The following DNAJB6 variants were observed in gnomAD, a reference collection of about 807,000 sequenced individuals.
DNAJB6 encodes the protein dnaJ homolog subfamily B member 6.
In DNAJB6, 16 loss-of-function variants were observed where a neutral mutation model predicts 42.7. The observed-to-expected ratio is 0.37, with a 90% CI of 0.25 to 0.57. The LOEUF (loss-of-function observed/expected upper bound fraction) is 0.57, where lower values mean the gene tolerates loss of function less well. Ranked by LOEUF, DNAJB6 falls within the 20% of genes least tolerant of loss-of-function variation. The pLI, the probability that DNAJB6 is intolerant of heterozygous loss-of-function variation, is 0.74. For missense variants in DNAJB6, 347 were observed against 416.8 expected (o/e 0.83, Z 1.46); for synonymous variants, 170 against 163.5 (o/e 1.04, Z -0.30).
At position 157,361,181 on chromosome 7, in the gene DNAJB6, C is replaced by T. The variant is rs148599962; in HGVS notation, c.66-1980C>T. Among the ~76,000 whole-genome samples the T allele has an allele frequency of 5.3e-3, 783 of 146,546 alleles. 11 individuals are homozygous for T. Among genetic ancestry groups the T allele is most frequent in the African/African-American group, 0.018 (720 of 39,696 alleles). ...TACACGTTTTTTTTTTTTTTTGAGACGGTGTCTCGCTATGTCACCCAGGCT... is the reference window on the plus strand; with the variant it reads ...TACACGTTTTTTTTTTTTTTTGAGATGGTGTCTCGCTATGTCACCCAGGCT... On this transcript the variant is annotated intron_variant, in intron 2 of 9. Coordinates refer to ENST00000262177, the MANE Select transcript of DNAJB6 (RefSeq NM_058246.4).
Position 157,416,132 on chromosome 7 carries a change from G to A in DNAJB6, c.*34G>A, listed in dbSNP as rs763062645. 6.2e-6 allele frequency: 10 copies of A among 1,603,178 alleles called. No homozygotes were observed. The highest frequency in any genetic ancestry group is 7.7e-6 in the Non-Finnish European group (9 of 1,174,014). ...TGAGGCACGCGGTGCACCCCCAGACGCTGGCGCTCCACCGTGCTCGGCATG... is the reference window on the plus strand; with the variant it reads ...TGAGGCACGCGGTGCACCCCCAGACACTGGCGCTCCACCGTGCTCGGCATG... On this transcript the variant is annotated 3_prime_UTR_variant, in exon 10 of 10. Transcript: ENST00000262177.
intron 1 of DNAJB6, chr7:157,337,422 C>T (rs1465365192): frequency 5.3e-5 from 8 of 152,242 alleles, no homozygotes; most frequent in Admixed American, 3.3e-4. Flanking sequence ...GCGGCCCAGC[C>T]TCCGCGGCGG....
chr7:157,399,976 T>C (rs1801771720), intron 8 of DNAJB6, among the ~76,000 whole-genome samples: 1 of 152,206 alleles, frequency 6.6e-6, no homozygotes, highest in Admixed American at 6.5e-5. Context: ...GCCTGTATTT[T>C]GTCAGGAGAA....
At chr7:157,353,586 GGTGTGTGTGTGTGTGTGTGTGTGT>G (rs370854040) in intron 1 of DNAJB6, among the ~76,000 whole-genome samples, 1,694 of 140,100 alleles carry the variant, frequency 0.012, 16 homozygotes, top group Non-Finnish European at 0.019. Context: ...TCTTGACCGG[GGTGTGTGTGTGTGTGTGTGTGTGT>G]GTGTGTGTGT....
intron 9 of DNAJB6, 131 bp downstream of exon 9, chr7:157,410,132 G>GC (rs1795923130): frequency 7.1e-7 from 1 of 1,413,776 alleles, no homozygotes; most frequent in African/African-American, 1.5e-5. Context: ...GTCGGGCGGG[G>GC]CGGGAGGAGG....
intron 3 of DNAJB6, among the ~76,000 whole-genome samples, chr7:157,363,851 C>T (rs1280474739): frequency 6.6e-6 from 1 of 152,130 alleles, no homozygotes. Flanking sequence ...CAGAGGTCAG[C>T]TGTCGCCTAG....
rs965557122 is a variant in DNAJB6, at chr7:157,416,159, G to A, written c.*61G>A. 9 of 1,580,502 alleles carry A rather than the reference G, an allele frequency of 5.7e-6. No individual in the cohort carries two copies. Among genetic ancestry groups the A allele is most frequent in the East Asian group, 4.7e-5 (2 of 43,010 alleles). On this transcript the variant is annotated 3_prime_UTR_variant, in exon 10 of 10. Transcript: ENST00000262177. The stretch of plus-strand genomic sequence containing the variant: ...TGGCGCTCCACCGTGCTCGGCATGC[G>A]GTCGTGCACACGCGCTAGGTAGCAG...
At chr7:157,367,298 G>A in intron 4 of DNAJB6, 75 bp from the exon 5 acceptor site, 1 of 983,364 alleles carries the variant, frequency 1.0e-6, no homozygotes, top group Non-Finnish European at 1.6e-6. Context: ...TTTGTATAAT[G>A]TTTTGTCAAC....
At chr7:157,342,669 C>G (rs1798463830) in intron 1 of DNAJB6, among the ~76,000 whole-genome samples, 1 of 152,124 alleles carries the variant, frequency 6.6e-6, no homozygotes, top group Non-Finnish European at 1.5e-5. Flanking sequence ...GTTGGCCAGG[C>G]TGGTCTTGAA....
intron 1 of DNAJB6, among the ~76,000 whole-genome samples, chr7:157,342,781 A>C (rs1029147634): frequency 1.3e-5 from 2 of 152,110 alleles, no homozygotes; most frequent in African/African-American, 2.4e-5. Context: ...AAAGGGAGTT[A>C]AGCTTGGAAG....
chr7:157,349,839 C>T (rs995235575), intron 1 of DNAJB6, among the ~76,000 whole-genome samples: 2 of 152,038 alleles, frequency 1.3e-5, no homozygotes, highest in African/African-American at 4.8e-5. Context: ...GAGACGGTTT[C>T]GTCATGTCAG....
chr7:157,344,579 G>A (rs1798587922), intron 1 of DNAJB6, among the ~76,000 whole-genome samples: 1 of 151,774 alleles, frequency 6.6e-6, no homozygotes, highest in Admixed American at 6.6e-5. Flanking sequence ...TTCCCTTCCA[G>A]CCTGAAATTA....
chr7:157,338,485 C>T (rs1345889278), intron 1 of DNAJB6, among the ~76,000 whole-genome samples: 1 of 152,148 alleles, frequency 6.6e-6, no homozygotes, highest in East Asian at 1.9e-4. Context: ...GGGTGCTCGC[C>T]ACCATGTCCG....
chr7:157,350,977 C>T (rs1798941454), intron 1 of DNAJB6, among the ~76,000 whole-genome samples: 1 of 151,644 alleles, frequency 6.6e-6, no homozygotes, highest in Admixed American at 6.6e-5. Flanking sequence ...TCTTGTTGGC[C>T]AGGCTGGAGT....
chr7:157,361,189 C>T (rs1286051636), intron 2 of DNAJB6, among the ~76,000 whole-genome samples: 4 of 148,374 alleles, frequency 2.7e-5, no homozygotes, highest in South Asian at 4.2e-4. Flanking sequence ...GACGGTGTCT[C>T]GCTATGTCAC....
intron 1 of DNAJB6, among the ~76,000 whole-genome samples, chr7:157,341,015 A>C (rs1327715434): frequency 1.1e-5 from 1 of 94,970 alleles, no homozygotes; most frequent in African/African-American, 3.6e-5. Flanking sequence ...CGCAGGTGGA[A>C]TCACCCTGTG....
intron 1 of DNAJB6, among the ~76,000 whole-genome samples, chr7:157,340,964 C>CTG (rs35976329): frequency 0.026 from 3,760 of 146,134 alleles, 73 homozygotes; most frequent in South Asian, 0.047. Flanking sequence ...CCGCACCTGG[C>CTG]TGTGTGTGTG....
chr7:157,355,555 A>G (rs545185319), intron 1 of DNAJB6, among the ~76,000 whole-genome samples: 224 of 152,246 alleles, frequency 1.5e-3, no homozygotes, highest in Non-Finnish European at 2.7e-3. Context: ...GAGCTGGGAA[A>G]CGTCTGTGGG....
At chr7:157,370,168 C>T (rs900256539) in intron 5 of DNAJB6, among the ~76,000 whole-genome samples, 1 of 144,392 alleles carries the variant, frequency 6.9e-6, no homozygotes, top group African/African-American at 2.6e-5. Flanking sequence ...CCCTTCTTAA[C>T]ATTATTATTA....
Sources: gnomAD v4.1 joint callset for allele counts (sites outside exome capture counted in the v4.1 genomes callset) on GRCh38, gnomAD v4.1.1 for gene constraint, MANE v1.5 for transcripts, NCBI Gene and HGNC (gene_info 2026-07-23, HGNC 2026-07-21) for gene names.